EXT1: variants seen among roughly 807,000 people sequenced by gnomAD.
EXT1 encodes the protein exostosin-1.
Under a neutral mutation model 82.5 loss-of-function variants are expected in EXT1, and 20 were observed. The observed-to-expected ratio is 0.24, with a 90% confidence interval of 0.17 to 0.35. The LOEUF (loss-of-function observed/expected upper bound fraction) is 0.35, where lower values mean the gene tolerates loss of function less well. EXT1 is among the 10% of genes least tolerant of loss of function. EXT1 has a pLI of 1.00. For missense variants in EXT1, 757 were observed against 936.5 expected (o/e 0.81, Z 2.50); for synonymous variants, 348 against 350.8 (o/e 0.99, Z 0.09).
chr8:117,884,699 C>T (rs1813117830), intron 1 of EXT1, among the ~76,000 whole-genome samples: 1 of 152,104 alleles, frequency 6.6e-6, no homozygotes, highest in African/African-American at 2.4e-5. Context: ...TGTGTGAATC[C>T]CACTAACACT....
chr8:117,984,449 C>CAAAAAAA (rs368857333), intron 1 of EXT1, among the ~76,000 whole-genome samples: 9 of 130,938 alleles, frequency 6.9e-5, no homozygotes, highest in Middle Eastern at 4.1e-3. Flanking sequence ...CAAAACAAAA[C>CAAAAAAA]AAAAAAAAAA....
In EXT1 at chr8:117,795,828, A is replaced by C. The variant is rs1823082057; in HGVS notation, c.*3884T>G. The C allele has an allele frequency of 6.6e-6, 1 of 152,172 alleles. No homozygotes were observed. Among genetic ancestry groups the C allele is most frequent in the Non-Finnish European group, 1.5e-5 (1 of 68,044 alleles). 9.4% of individuals were successfully genotyped at this position (152,172 alleles called of 1,614,324 possible). A position where few individuals can be genotyped will look rare whatever the true frequency, so the allele number is the denominator to read the frequency against. ...AGAAAAAAAAAAGACTTGGTGTCAAAGGATAAACTAATCTCTTTATGCTGA... is the reference window on the plus strand; with the variant it reads ...AGAAAAAAAAAAGACTTGGTGTCAACGGATAAACTAATCTCTTTATGCTGA... On this transcript the variant is annotated 3_prime_UTR_variant, in exon 11 of 11. Transcript: ENST00000378204.
At chr8:118,094,704 C>T (rs1197511828) in intron 1 of EXT1, among the ~76,000 whole-genome samples, 5 of 152,210 alleles carry the variant, frequency 3.3e-5, no homozygotes, top group Non-Finnish European at 4.4e-5. Flanking sequence ...ACCAAGGTCT[C>T]GTAGCTAGTG....
At chr8:117,992,924 T>TA (rs1238360438) in intron 1 of EXT1, among the ~76,000 whole-genome samples, 3 of 152,214 alleles carry the variant, frequency 2.0e-5, no homozygotes, top group African/African-American at 4.8e-5. Context: ...TGTCATCTTA[T>TA]AAATCTCAAT....
At chr8:118,096,020 T>C (rs1817604211) in intron 1 of EXT1, among the ~76,000 whole-genome samples, 1 of 152,246 alleles carries the variant, frequency 6.6e-6, no homozygotes, top group African/African-American at 2.4e-5. Flanking sequence ...AGCAGCCTGA[T>C]AGCTCAATTA....
intron 1 of EXT1, among the ~76,000 whole-genome samples, chr8:117,974,034 C>T (rs965515988): frequency 6.6e-6 from 1 of 151,182 alleles, no homozygotes; most frequent in Non-Finnish European, 1.5e-5. Context: ...TGGTTTAGTG[C>T]CTTATCAGGA....
At chr8:117,872,368 T>C (rs1812888691) in intron 1 of EXT1, among the ~76,000 whole-genome samples, 1 of 151,846 alleles carries the variant, frequency 6.6e-6, no homozygotes, top group African/African-American at 2.4e-5. Flanking sequence ...ACTCAGACAA[T>C]CAAGTTGTAA....
chr8:117,867,747 G>A (rs113578141), intron 1 of EXT1, among the ~76,000 whole-genome samples: 23 of 152,176 alleles, frequency 1.5e-4, no homozygotes, highest in Admixed American at 4.6e-4. Context: ...TTTGCAGTTC[G>A]GAGGCTGTTT....
chr8:117,815,863 G>C (rs1370863101), intron 7 of EXT1, among the ~76,000 whole-genome samples: 1 of 151,190 alleles, frequency 6.6e-6, no homozygotes, highest in East Asian at 1.9e-4. Context: ...CCAGGAGGCG[G>C]AGATTGCAGT....
At chr8:117,851,477 A>C (rs1003072205) in intron 1 of EXT1, among the ~76,000 whole-genome samples, 1 of 150,912 alleles carries the variant, frequency 6.6e-6, no homozygotes, top group Non-Finnish European at 1.5e-5. Flanking sequence ...TTAAATAACT[A>C]CATGGGGGTT....
chr8:118,080,967 G>A (rs79578276), intron 1 of EXT1, among the ~76,000 whole-genome samples: 3 of 152,136 alleles, frequency 2.0e-5, no homozygotes, highest in Non-Finnish European at 4.4e-5. Context: ...GGAGGGCTAG[G>A]GGGGAGGGTG....
intron 1 of EXT1, among the ~76,000 whole-genome samples, chr8:117,999,005 G>C (rs1207360211): frequency 6.6e-6 from 1 of 152,176 alleles, no homozygotes; most frequent in African/African-American, 2.4e-5. Flanking sequence ...GTAGGCCCGT[G>C]ATCAATGTTA....
chr8:118,110,439 T>C lies in EXT1; in HGVS notation c.608A>G (p.Tyr203Cys). 6.2e-7 allele frequency: 1 copy of C among 1,614,164 alleles called. No homozygotes were observed. The highest frequency in any genetic ancestry group is 8.5e-7 in the Non-Finnish European group (1 of 1,180,026). The change falls in exon 1 of 11, where the codon TAC becomes TGC. Residue 203 changes from tyrosine (Y) to cysteine (C), a missense_variant. Coordinates refer to ENST00000378204, the MANE Select transcript of EXT1 (RefSeq NM_000127.3). Reference sequence around the variant, plus strand: ...GATGTCAAACCCCACGTCCTCGGTGTAGTCAGGCCAAGTGCCGGAATATAA... The same window carrying C: ...GATGTCAAACCCCACGTCCTCGGTGCAGTCAGGCCAAGTGCCGGAATATAA... ...FNLYSGTWPD[Y>C]TEDVGFDIGQ...
intron 1 of EXT1, among the ~76,000 whole-genome samples, chr8:117,990,577 G>T (rs1238279755): frequency 6.6e-6 from 1 of 152,192 alleles, no homozygotes; most frequent in Non-Finnish European, 1.5e-5. Flanking sequence ...GCTAAGGCCG[G>T]CAAGCCTAAG....
intron 1 of EXT1, among the ~76,000 whole-genome samples, chr8:118,002,615 T>A (rs111615485): frequency 6.4e-5 from 9 of 140,612 alleles, no homozygotes; most frequent in African/African-American, 2.4e-4. Flanking sequence ...CACTGCAAGC[T>A]CCACCTCCCA....
chr8:118,047,277 T>TC (rs775055042), intron 1 of EXT1, among the ~76,000 whole-genome samples: 14 of 152,038 alleles, frequency 9.2e-5, no homozygotes, highest in Admixed American at 5.2e-4. Context: ...GGCAAGATAC[T>TC]CCCCTCCATG....
At chr8:117,930,485 C>G (rs1814038185) in intron 1 of EXT1, among the ~76,000 whole-genome samples, 1 of 152,108 alleles carries the variant, frequency 6.6e-6, no homozygotes, top group South Asian at 2.1e-4. Context: ...CTCTAAATAT[C>G]CACATCTGGT....
At position 117,879,717 on chromosome 8, in the gene EXT1, G is replaced by A. The variant is rs569363490; in HGVS notation, c.963-42516C>T. On this transcript the variant is annotated intron_variant, in intron 1 of 10. Transcript: ENST00000378204. ...AGAACATGCACAATCTAGAGTTAAGGAGTATTTTATGCATTTTCCCCCCAA... is the reference window on the plus strand; with the variant it reads ...AGAACATGCACAATCTAGAGTTAAGAAGTATTTTATGCATTTTCCCCCCAA... Among the ~76,000 whole-genome samples, 70 of 152,248 alleles carry A rather than the reference G, an allele frequency of 4.6e-4. 1 individual carries two copies. In the South Asian group the frequency reaches 0.013, roughly 29 times the overall value.
chr8:117,870,823 T>TCACACACA (rs59973422), intron 1 of EXT1, among the ~76,000 whole-genome samples: 32,973 of 146,658 alleles, frequency 0.22, 3,835 homozygotes, highest in African/African-American at 0.28. Context: ...AAATGCTTTG[T>TCACACACA]CACACACACA....
Sources: gnomAD v4.1 joint callset for allele counts (sites outside exome capture counted in the v4.1 genomes callset) on GRCh38, gnomAD v4.1.1 for gene constraint, MANE v1.5 for transcripts, NCBI Gene and HGNC (gene_info 2026-07-23, HGNC 2026-07-21) for gene names.